HTR2C: variants seen among roughly 807,000 people sequenced by gnomAD.
HTR2C encodes the protein 5-hydroxytryptamine (serotonin) receptor 2C, G protein-coupled.
In HTR2C, 5 loss-of-function variants were observed where a neutral mutation model predicts 21.0. The observed-to-expected ratio is 0.24, with a 90% CI of 0.12 to 0.50. HTR2C has a LOEUF of 0.50. Among genes scored for constraint, HTR2C ranks in the 20% least tolerant of loss-of-function variants. HTR2C has a pLI of 0.98. For missense variants in HTR2C, 271 were observed against 371.2 expected, an observed-to-expected ratio of 0.73 and a Z score of 2.22; for synonymous variants, 150 against 145.3, an observed-to-expected ratio of 1.03 and a Z score of -0.23.
rs782327545 is a variant in HTR2C, at chrX:114,599,070, T to A, written c.-147+14411T>A. On this transcript the variant is annotated intron_variant, in intron 1 of 5. Transcript: ENST00000276198. ...GAAAGCCTTTAAAAATTTGACTACA[T>A]CATACTGTCCTTGAGAATCATGTCA... Among the ~76,000 whole-genome samples the A allele has an allele frequency of 3.6e-5, 4 of 111,675 alleles. No individual in the cohort carries two copies. In the South Asian group the frequency reaches 1.5e-3, roughly 42 times the overall value.
intron 2 of HTR2C, among the ~76,000 whole-genome samples, chrX:114,717,222 C>T (rs1933018379): frequency 9.0e-6 from 1 of 110,580 alleles, no homozygotes; most frequent in South Asian, 3.8e-4. Flanking sequence ...GAGGCACACG[C>T]CACCACATCT....
intron 4 of HTR2C, among the ~76,000 whole-genome samples, chrX:114,749,900 C>A (rs2069745581): frequency 8.9e-6 from 1 of 111,978 alleles, no homozygotes; most frequent in African/African-American, 3.2e-5. Flanking sequence ...ATTCGTAGAG[C>A]TATTTGCAGA....
At chrX:114,862,923 C>T (rs995865482) in intron 5 of HTR2C, among the ~76,000 whole-genome samples, 11 of 111,160 alleles carry the variant, frequency 9.9e-5, no homozygotes, top group African/African-American at 3.6e-4. Context: ...AACTCCCCTA[C>T]CCTTCTAAGC....
intron 4 of HTR2C, among the ~76,000 whole-genome samples, chrX:114,794,370 C>CT (rs1452279859): frequency 9.1e-6 from 1 of 109,866 alleles, no homozygotes; most frequent in Non-Finnish European, 1.9e-5. Context: ...AGCCACATGT[C>CT]TTTTTTTATT....
chrX:114,841,025 C>A (rs1556465431), intron 4 of HTR2C, among the ~76,000 whole-genome samples: 2 of 111,818 alleles, frequency 1.8e-5, no homozygotes, highest in Non-Finnish European at 3.8e-5. Context: ...CTTGACATAT[C>A]CTTCAGCCCA....
At chrX:114,706,711 A>C (rs1299052156) in intron 2 of HTR2C, among the ~76,000 whole-genome samples, 1 of 109,909 alleles carries the variant, frequency 9.1e-6, no homozygotes, top group African/African-American at 3.3e-5. Context: ...AAAGTATAAT[A>C]ATAATCAAAT....
chrX:114,677,339 G>T (rs1200959747), intron 2 of HTR2C, among the ~76,000 whole-genome samples: 1 of 110,959 alleles, frequency 9.0e-6, no homozygotes, highest in Non-Finnish European at 1.9e-5. Flanking sequence ...GTTGATGAGG[G>T]CCTAGATAAA....
At chrX:114,609,697 G>T (rs1928638360) in intron 1 of HTR2C, among the ~76,000 whole-genome samples, 1 of 111,945 alleles carries the variant, frequency 8.9e-6, no homozygotes, top group African/African-American at 3.2e-5. Context: ...TGAGGCAAGG[G>T]GATATGTATG....
chrX:114,630,654 G>A (rs1556404016), intron 2 of HTR2C: 1 of 139,464 alleles, frequency 7.2e-6, no homozygotes, highest in Non-Finnish European at 1.5e-5. Flanking sequence ...TTTCTTCACT[G>A]GAAGTTGACC....
chrX:114,812,312 T>G (rs914117458), intron 4 of HTR2C, among the ~76,000 whole-genome samples: 1 of 111,447 alleles, frequency 9.0e-6, no homozygotes, highest in Non-Finnish European at 1.9e-5. Flanking sequence ...ACCCCCAACT[T>G]TTTCCCCACC....
intron 5 of HTR2C, chrX:114,900,359 C>A: frequency 3.9e-6 from 1 of 253,831 alleles, no homozygotes. Flanking sequence ...TCATCTAAAA[C>A]TTCTGAGATT....
At chrX:114,768,767 G>C (rs1207691447) in intron 4 of HTR2C, among the ~76,000 whole-genome samples, 1 of 111,459 alleles carries the variant, frequency 9.0e-6, no homozygotes, top group Non-Finnish European at 1.9e-5. Context: ...TTCATTTTCA[G>C]TGACTCATAA....
rs373054749 is a variant in HTR2C at position 114,673,746 on chromosome X, A to AT, written c.-79-53104dup. ...GCATCACCTGGAACTTTTTAAAACT[A>AT]TTTTTTTTCATTTTTCAAACTTTGT... is the stretch of plus-strand genomic sequence containing the variant. On this transcript the variant is annotated intron_variant, in intron 2 of 5. Coordinates refer to ENST00000276198, the MANE Select transcript of HTR2C (RefSeq NM_000868.4). Among the ~76,000 whole-genome samples the AT allele has an allele frequency of 1.8e-4, 20 of 109,917 alleles. 1 individual carries two copies. The Middle Eastern group carries it at 0.019, about 103-fold the overall frequency.
rs1933093609 is a variant in HTR2C, at chrX:114,718,998, A to AG, written c.-79-7860_-79-7859insG. Reference sequence around the variant, plus strand: ...AATATATATAATATAATAATATAATATATAATAATAATATAAAATAAATAA... The same window carrying AG: ...AATATATATAATATAATAATATAATAGTATAATAATAATATAAAATAAATAA... On this transcript the variant is annotated intron_variant, in intron 2 of 5. Transcript: ENST00000276198. Among the ~76,000 whole-genome samples the AG allele has an allele frequency of 1.8e-3, 19 of 10,581 alleles. No homozygotes were observed. The Admixed American group carries it at 0.052, about 29-fold the overall frequency. 9.2% of individuals were successfully genotyped at this position (10,581 alleles called of 115,157 possible). A position where few individuals can be genotyped will look rare whatever the true frequency, so the allele number is the denominator to read the frequency against.
intron 2 of HTR2C, among the ~76,000 whole-genome samples, chrX:114,667,789 T>C (rs1931233119): frequency 8.9e-6 from 1 of 111,872 alleles, no homozygotes. Context: ...AAGGCAGTTA[T>C]AGAAGAAGTA....
intron 5 of HTR2C, among the ~76,000 whole-genome samples, chrX:114,873,970 C>T (rs1556477292): frequency 1.8e-5 from 2 of 109,739 alleles, no homozygotes; most frequent in Admixed American, 9.8e-5. Flanking sequence ...ATACATCATT[C>T]TACTCTCTGC....
At chrX:114,784,139 GA>G (rs782206746) in intron 4 of HTR2C, among the ~76,000 whole-genome samples, 3,971 of 70,605 alleles carry the variant, frequency 0.056, 229 homozygotes, top group African/African-American at 0.19. Context: ...TTGGTTCTCT[GA>G]AAAAAAAAAA....
chrX:114,596,888 G>A (rs184922644), intron 1 of HTR2C, among the ~76,000 whole-genome samples: 1 of 110,897 alleles, frequency 9.0e-6, no homozygotes, highest in African/African-American at 3.3e-5. Context: ...CTGAGTAATC[G>A]TGTAGATTTC....
intron 4 of HTR2C, among the ~76,000 whole-genome samples, chrX:114,755,548 T>C (rs1206020151): frequency 1.8e-5 from 2 of 111,316 alleles, no homozygotes; most frequent in African/African-American, 6.5e-5. Flanking sequence ...CCCACCTACA[T>C]CATCCAGAAT....
Sources: gnomAD v4.1 joint callset for allele counts (sites outside exome capture counted in the v4.1 genomes callset) on GRCh38, gnomAD v4.1.1 for gene constraint, MANE v1.5 for transcripts, NCBI Gene and HGNC (gene_info 2026-07-23, HGNC 2026-07-21) for gene names.